Variants in ZSWIM4 observed in about 807,000 individuals in gnomAD.
ZSWIM4 encodes zinc finger SWIM-type containing 4, also known as zinc finger SWIM domain-containing protein 4.
A neutral mutation model predicts 102.5 loss-of-function variants in ZSWIM4; 62 were observed. The ratio of observed to expected loss-of-function variants is 0.60; its 90% CI spans 0.49 to 0.75. The LOEUF (loss-of-function observed/expected upper bound fraction) is 0.75. ZSWIM4 is among the 30% of genes least tolerant of loss of function. The pLI is 0.00. For synonymous variants in ZSWIM4, 652 were observed against 674.5 expected (o/e 0.97, Z 0.52); for missense variants, 1,280 against 1,529.6 (o/e 0.84, Z 2.72).
chr19:13,809,683 C>T lies in ZSWIM4; in HGVS notation c.1012+463C>T, dbSNP rs1022806725. ...TTTTGAAGAGACAGAGTCTCACTAT[C>T]TTGCCAAGTCTGGTCTTGAACTCCT... On this transcript the variant is annotated intron_variant, in intron 5 of 13. Coordinates refer to ENST00000590508, the MANE Select transcript of ZSWIM4 (RefSeq NM_001367834.3). The surrounding 1 kb of genome is among the most constrained non-coding windows in gnomAD (Gnocchi z 4.2). Among the ~76,000 whole-genome samples, 1 of 152,156 alleles carries T rather than the reference C, an allele frequency of 6.6e-6. No individual in the cohort carries two copies. The highest frequency in any genetic ancestry group is 1.5e-5 in the Non-Finnish European group (1 of 68,042).
At chr19:13,816,559 C>T (rs979116138) in intron 7 of ZSWIM4, among the ~76,000 whole-genome samples, 3 of 151,970 alleles carry the variant, frequency 2.0e-5, no homozygotes, top group Non-Finnish European at 4.4e-5. Context: ...CCGGGAGGTA[C>T]CTGGAGGTTG....
intron 10 of ZSWIM4, among the ~76,000 whole-genome samples, chr19:13,821,972 G>A (rs987320598): frequency 6.6e-6 from 1 of 151,984 alleles, no homozygotes; most frequent in African/African-American, 2.4e-5. Context: ...TCCTGACCTC[G>A]TGATCCACCC....
At chr19:13,816,132 G>A (rs138167190) in intron 7 of ZSWIM4, among the ~76,000 whole-genome samples, 97 of 152,086 alleles carry the variant, frequency 6.4e-4, no homozygotes, top group Middle Eastern at 3.4e-3. Flanking sequence ...GTGGGGGACA[G>A]GAGGGAGGCC....
chr19:13,815,016 G>C (rs774809724), intron 7 of ZSWIM4, 151 bp downstream of exon 7: 1 of 363,572 alleles, frequency 2.8e-6, no homozygotes, highest in Non-Finnish European at 4.6e-6. Flanking sequence ...AAAAAAATTA[G>C]CTGGATGTGG....
chr19:13,805,925 C>T (rs1458511590), intron 3 of ZSWIM4, among the ~76,000 whole-genome samples: 4 of 147,030 alleles, frequency 2.7e-5, no homozygotes, highest in East Asian at 2.2e-4. Context: ...GAGCTGACAT[C>T]GCGCCATTGC....
At chr19:13,806,374 A>C (rs1434090903) in intron 3 of ZSWIM4, among the ~76,000 whole-genome samples, 1 of 151,734 alleles carries the variant, frequency 6.6e-6, no homozygotes, top group Non-Finnish European at 1.5e-5. Flanking sequence ...CGTTAGGTGA[A>C]TGGGAATTGG....
At chr19:13,812,397 G>A (rs145915052) in intron 5 of ZSWIM4, among the ~76,000 whole-genome samples, 31 of 151,112 alleles carry the variant, frequency 2.1e-4, no homozygotes, top group African/African-American at 7.3e-4. Flanking sequence ...GGGTTGAAGC[G>A]ATTCTTGTGC....
At chr19:13,822,432 T>C (rs1469589782) in intron 10 of ZSWIM4, among the ~76,000 whole-genome samples, 1 of 152,224 alleles carries the variant, frequency 6.6e-6, no homozygotes, top group Non-Finnish European at 1.5e-5. Flanking sequence ...ATGAAAAATA[T>C]ATGAAATTCA....
In ZSWIM4 at chr19:13,808,733, C is replaced by G. The variant is rs140246933; in HGVS notation, c.713-103C>G. ...CAGCCTGGGCAAGAAGAGCCAAACT[C>G]CGTCTCCAAAAAAAAAAAAAAAAAA... is the stretch of plus-strand genomic sequence containing the variant. On this transcript the variant is annotated intron_variant, in intron 3 of 13. Transcript: ENST00000590508. The G allele has an allele frequency of 2.5e-3, 3,093 of 1,238,340 alleles. 60 individuals carry two copies. The African/African-American group carries it at 0.044, about 18-fold the overall frequency. The allele number at this position is 1,238,340 out of a possible 1,614,324, so 76.7% of individuals were successfully genotyped here. A position where few individuals can be genotyped will look rare whatever the true frequency, so the allele number is the denominator to read the frequency against.
rs10401765 is a variant in ZSWIM4, at chr19:13,822,163, T to C, written c.2061-1183T>C. 5.9e-4 allele frequency among the ~76,000 whole-genome samples: 84 copies of C among 142,264 alleles called. 1 individual carries two copies. The highest frequency in any genetic ancestry group is 5.9e-3 in the East Asian group (28 of 4,746). The allele number at this position is 142,264 out of a possible 152,430, so 93.3% of individuals were successfully genotyped here. ...TAAAACACACAAACACACACACACA[T>C]ACACACACACACACACACACACACA... On this transcript the variant is annotated intron_variant, in intron 10 of 13. Transcript: ENST00000590508.
At position 13,809,230 on chromosome 19, in the gene ZSWIM4, A is replaced by C. The variant is rs1458641344; in HGVS notation, c.1012+10A>C. On this transcript the variant is annotated intron_variant, in intron 5 of 13. Coordinates refer to ENST00000590508, the MANE Select transcript of ZSWIM4 (RefSeq NM_001367834.3). The surrounding 1 kb of genome is among the most constrained non-coding windows in gnomAD (Gnocchi z 4.2). Reference sequence around the variant, plus strand: ...CTCTGGGATGAGCTGGGTGAGGCCCAAACCCCGGTGCGTGGTGGACACCGG... The same window carrying C: ...CTCTGGGATGAGCTGGGTGAGGCCCCAACCCCGGTGCGTGGTGGACACCGG... The C allele has an allele frequency of 6.9e-6, 11 of 1,592,896 alleles. No individual in the cohort carries two copies. The highest frequency in any genetic ancestry group is 8.5e-6 in the Non-Finnish European group (10 of 1,169,594).
intron 1 of ZSWIM4, 114 bp downstream of exon 1, chr19:13,795,915 C>G (rs1974599619): frequency 4.8e-6 from 3 of 627,262 alleles, no homozygotes; most frequent in Non-Finnish European, 6.6e-6. Flanking sequence ...AGAGACACCC[C>G]CTGAGATTCC....
chr19:13,823,211 C>A, intron 10 of ZSWIM4, 135 bp from the exon 11 acceptor site: 1 of 796,658 alleles, frequency 1.3e-6, no homozygotes, highest in Non-Finnish European at 2.0e-6. Flanking sequence ...CTTGCACACA[C>A]ATCTTCCATC....
intron 8 of ZSWIM4, 147 bp downstream of exon 8, chr19:13,817,500 A>T: frequency 8.4e-7 from 1 of 1,195,722 alleles, no homozygotes; most frequent in Non-Finnish European, 1.2e-6. Flanking sequence ...GCCAGTGCCC[A>T]GAGCCAATAG....
In ZSWIM4 at chr19:13,831,602, T is replaced by C. The variant is rs1190875564; in HGVS notation, c.*552T>C. On this transcript the variant is annotated 3_prime_UTR_variant, in exon 14 of 14. Coordinates refer to ENST00000590508, the MANE Select transcript of ZSWIM4 (RefSeq NM_001367834.3). ...AGCCTCATACCTCACCCCCTTATCCTATCCGGCCAGGACCCCCATTTCCTT... is the reference window on the plus strand; with the variant it reads ...AGCCTCATACCTCACCCCCTTATCCCATCCGGCCAGGACCCCCATTTCCTT... The C allele has an allele frequency of 6.6e-6, 1 of 152,446 alleles. No homozygotes were observed. The highest frequency in any genetic ancestry group is 1.5e-5 in the Non-Finnish European group (1 of 68,224). 9.4% of individuals were successfully genotyped at this position (152,446 alleles called of 1,614,324 possible).
chr19:13,828,357 A>G (rs377305590), intron 12 of ZSWIM4, among the ~76,000 whole-genome samples: 2 of 152,064 alleles, frequency 1.3e-5, no homozygotes, highest in East Asian at 1.9e-4. Flanking sequence ...GTAGTGAGCC[A>G]AGATCGCACC....
rs141101449 is a variant in ZSWIM4 at position 13,813,088 on chromosome 19, C to T, written c.1104C>T (p.Leu368=). The T allele has an allele frequency of 6.6e-5, 106 of 1,613,942 alleles. No individual in the cohort carries two copies. In the African/African-American group the frequency reaches 1.2e-3, roughly 18 times the overall value. The part of the protein sequence containing the change: ...WLQLLSRWDK[L]DVCPLEEGNY... Reference sequence around the variant, plus strand: ...AGCTACTCAGCAGGTGGGACAAGCTCGACGTCTGCCCACTGGAAGAGGGCA... The same window carrying T: ...AGCTACTCAGCAGGTGGGACAAGCTTGACGTCTGCCCACTGGAAGAGGGCA... Residue 368 remains leucine (L), a synonymous_variant, in exon 6 of 14, where the codon CTC becomes CTT. Transcript: ENST00000590508.
At position 13,804,122 on chromosome 19, in the gene ZSWIM4, C is replaced by T. The variant is rs550963884; in HGVS notation, c.356-670C>T. 3.4e-4 allele frequency among the ~76,000 whole-genome samples: 51 copies of T among 151,800 alleles called. No individual in the cohort carries two copies. The South Asian group carries it at 6.0e-3, about 18-fold the overall frequency. ...CAGGTGATCTACCAGCCTCGGCCTC[C>T]CAAAGTGCTGGGATTACAGGCATGA... On this transcript the variant is annotated intron_variant, in intron 2 of 13. Coordinates refer to ENST00000590508, the MANE Select transcript of ZSWIM4 (RefSeq NM_001367834.3).
chr19:13,821,145 G>A (rs1005353245), intron 10 of ZSWIM4, among the ~76,000 whole-genome samples: 1 of 152,058 alleles, frequency 6.6e-6, no homozygotes, highest in Admixed American at 6.6e-5. Context: ...TTAGCTGGGT[G>A]TGGAGGTGCA....
Sources: gnomAD v4.1 joint callset for allele counts (sites outside exome capture counted in the v4.1 genomes callset) on GRCh38, gnomAD v4.1.1 for gene constraint, Gnocchi (gnomAD v3.1) non-coding constraint, MANE v1.5 for transcripts, NCBI Gene and HGNC (gene_info 2026-07-23, HGNC 2026-07-21) for gene names.